Variants in PTPRS observed in about 807,000 individuals in gnomAD.
PTPRS encodes receptor-type tyrosine-protein phosphatase S.
PTPRS carries 63 observed loss-of-function variants against 215.3 expected under a neutral mutation model. That is an observed-to-expected ratio of 0.29 (90% CI 0.24 to 0.36). The LOEUF is 0.36. PTPRS is among the 10% of genes least tolerant of loss of function. The pLI is 1.00. For synonymous variants in PTPRS, 1,404 were observed against 1,191.4 expected (o/e 1.18, Z -3.68); for missense variants, 2,258 against 2,825.8 (o/e 0.80, Z 4.56).
Position 5,244,846 on chromosome 19 carries a change from T to C in PTPRS, c.989-364A>G, listed in dbSNP as rs2044330443. Among the ~76,000 whole-genome samples the C allele has an allele frequency of 6.9e-6, 1 of 144,666 alleles. No individual in the cohort carries two copies. Among genetic ancestry groups the C allele is most frequent in the Non-Finnish European group, 1.5e-5 (1 of 67,418 alleles). 94.9% of individuals were successfully genotyped at this position (144,666 alleles called of 152,430 possible). A position where few individuals can be genotyped will look rare whatever the true frequency, so the allele number is the denominator to read the frequency against. On this transcript the variant is annotated intron_variant, in intron 10 of 37. Coordinates refer to ENST00000262963, the MANE Select transcript of PTPRS (RefSeq NM_002850.4). The surrounding 1 kb of genome is among the most constrained non-coding windows in gnomAD (Gnocchi z 7.2). Reference sequence around the variant, plus strand: ...CACCACACTCAGCTAATTTTTTGTATTTTCAGTTGAGACGGGTTTCACTGT... The same window carrying C: ...CACCACACTCAGCTAATTTTTTGTACTTTCAGTTGAGACGGGTTTCACTGT...
chr19:5,326,221 A>G (rs2050162984), intron 1 of PTPRS, among the ~76,000 whole-genome samples: 1 of 151,856 alleles, frequency 6.6e-6, no homozygotes, highest in African/African-American at 2.4e-5. Flanking sequence ...ACAGAGTGAG[A>G]CTCCATCTCA....
intron 16 of PTPRS, among the ~76,000 whole-genome samples, chr19:5,227,715 G>C (rs1010663940): frequency 1.4e-4 from 21 of 152,226 alleles, no homozygotes; most frequent in African/African-American, 5.1e-4. Context: ...CTGCCGATGT[G>C]TGTTTTGTTC....
At chr19:5,218,337 G>A (rs2041672535) in intron 25 of PTPRS, 83 bp downstream of exon 25, 2 of 1,289,268 alleles carry the variant, frequency 1.6e-6, no homozygotes, top group Non-Finnish European at 2.2e-6. Flanking sequence ...GGCCAATGAG[G>A]GGCCCCCAGG....
intron 9 of PTPRS, chr19:5,251,111 G>C (rs1367350422): frequency 1.3e-5 from 2 of 153,036 alleles, no homozygotes; most frequent in Non-Finnish European, 2.9e-5. Context: ...ACACCTGTCG[G>C]GGGGGAAGGG....
chr19:5,249,128 T>C (rs576512644), intron 9 of PTPRS, among the ~76,000 whole-genome samples: 3 of 152,100 alleles, frequency 2.0e-5, no homozygotes, highest in Admixed American at 6.5e-5. Context: ...CTGGCCAACA[T>C]GGCAAAATCC....
chr19:5,214,163 G>T (rs1178143983), intron 30 of PTPRS, among the ~76,000 whole-genome samples, 198 bp downstream of exon 30: 1 of 152,216 alleles, frequency 6.6e-6, no homozygotes, highest in African/African-American at 2.4e-5. Flanking sequence ...GCCGTGGGTG[G>T]AAACAAGCAG....
chr19:5,236,705 G>C (rs931262973), intron 13 of PTPRS, among the ~76,000 whole-genome samples: 1 of 152,096 alleles, frequency 6.6e-6, no homozygotes, highest in African/African-American at 2.4e-5. Flanking sequence ...ACTTCAACTA[G>C]AGAGACCCTC....
intron 1 of PTPRS, among the ~76,000 whole-genome samples, chr19:5,309,026 G>A (rs376037072): frequency 2.0e-5 from 3 of 152,204 alleles, no homozygotes; most frequent in African/African-American, 4.8e-5. Context: ...CCTACAGCCT[G>A]CCTGGCACTA....
intron 4 of PTPRS, 86 bp from the exon 5 acceptor site, chr19:5,265,282 CA>C (rs2046318328): frequency 3.1e-6 from 4 of 1,311,308 alleles, no homozygotes; most frequent in Admixed American, 2.2e-5. Context: ...ACTGCCTGGC[CA>C]CGGGTCCAGC....
chr19:5,217,958 G>A (rs1291809657), intron 25 of PTPRS, among the ~76,000 whole-genome samples: 1 of 152,092 alleles, frequency 6.6e-6, no homozygotes, highest in Non-Finnish European at 1.5e-5. Flanking sequence ...GTGGGAAGAG[G>A]TACAGGGCAT....
intron 9 of PTPRS, among the ~76,000 whole-genome samples, chr19:5,253,011 T>C (rs1362225544): frequency 2.0e-5 from 3 of 152,146 alleles, no homozygotes; most frequent in African/African-American, 4.8e-5. Context: ...AATAATGCTA[T>C]GTTGCAAGAC....
At position 5,246,081 on chromosome 19, in the gene PTPRS, T is replaced by C. The variant is rs776733295; in HGVS notation, c.719-36A>G. 2.0e-4 allele frequency: 244 copies of C among 1,247,606 alleles called. 2 individuals are homozygous for C. Among genetic ancestry groups the C allele is most frequent in the Admixed American group, 4.4e-4 (12 of 27,420 alleles). The allele number at this position is 1,247,606 out of a possible 1,614,324, so 77.3% of individuals were successfully genotyped here. ...GGCGGCAGTGGCGGCGGGAGGGAGA[T>C]GCGAGGGGTGAGGTGGGGTGAGGTT... On this transcript the variant is annotated intron_variant, in intron 9 of 37. Transcript: ENST00000262963.
chr19:5,214,580 C>T lies in PTPRS; in HGVS notation c.4475G>A (p.Arg1492Gln), dbSNP rs770889503. 8.7e-6 allele frequency: 14 copies of T among 1,611,468 alleles called. No homozygotes were observed. Among genetic ancestry groups the T allele is most frequent in the Non-Finnish European group, 9.3e-6 (11 of 1,178,524 alleles). The change falls in exon 29 of 38, where the codon CGG becomes CAG. Residue 1492 changes from arginine to glutamine, a missense_variant. Physicochemically the swap from Arg to Gln is conservative, Grantham distance 43. Transcript: ENST00000262963. ...QRSATIVMMT[R>Q]LEEKSRIKCD... Reference sequence around the variant, plus strand: ...GCTCACCCGTGACTTCTCCTCCAGCCGCGTCATCATGACGATGGTCGCCGA... The same window carrying T: ...GCTCACCCGTGACTTCTCCTCCAGCTGCGTCATCATGACGATGGTCGCCGA...
intron 10 of PTPRS, 31 bp downstream of exon 10, chr19:5,245,745 T>G: frequency 6.5e-7 from 1 of 1,536,562 alleles, no homozygotes; most frequent in Non-Finnish European, 8.8e-7. Flanking sequence ...AGCCTGCCCC[T>G]CCACCTACGA....
chr19:5,209,382 C>A (rs2040655437), intron 35 of PTPRS, among the ~76,000 whole-genome samples: 1 of 152,176 alleles, frequency 6.6e-6, no homozygotes, highest in African/African-American at 2.4e-5. Flanking sequence ...CACTGACATT[C>A]TCCATTCCCC....
Position 5,245,952 on chromosome 19 carries a change from G to A in PTPRS, c.812C>T (p.Ser271Leu), listed in dbSNP as rs1490066505. 1.9e-6 allele frequency: 3 copies of A among 1,611,468 alleles called. No homozygotes were observed. The highest frequency in any genetic ancestry group is 2.5e-6 in the Non-Finnish European group (3 of 1,178,934). ...NVNITCVAVG[S>L]PMPYVKWMQG... The stretch of plus-strand genomic sequence containing the variant: ...CATCCACTTCACGTATGGCATGGGC[G>A]AGCCCACGGCCACGCAGGTGATGTT... The change falls in exon 10 of 38, where the codon TCG (serine) becomes TTG (leucine). Residue 271 changes from serine to leucine, a missense_variant. Physicochemically the swap from Ser to Leu is moderately radical, Grantham distance 145 (BLOSUM62 -2). This residue lies in a region of PTPRS where 508 missense variants were observed against 799.4 expected (regional missense o/e 0.64). Coordinates refer to ENST00000262963, the MANE Select transcript of PTPRS (RefSeq NM_002850.4).
chr19:5,230,389 C>T (rs1408598976), intron 14 of PTPRS, among the ~76,000 whole-genome samples: 5 of 152,222 alleles, frequency 3.3e-5, no homozygotes, highest in Non-Finnish European at 5.9e-5. Flanking sequence ...CTTTGAACTC[C>T]TGGGCTTAAG....
At position 5,293,805 on chromosome 19, in the gene PTPRS, G is replaced by T. The variant is rs1457760463; in HGVS notation, c.-94-7571C>A. ...CGCTGGGGGTCCAGGGGAATGAATG[G>T]GGGGACACCGTGGCAGAGGCCCCCA... On this transcript the variant is annotated intron_variant, in intron 1 of 37. Transcript: ENST00000262963. This position sits in a 1 kb window ranked among gnomAD's most constrained non-coding sequence, Gnocchi z 8.4. Among the ~76,000 whole-genome samples the T allele has an allele frequency of 1.3e-5, 2 of 152,148 alleles. No individual in the cohort carries two copies. Among genetic ancestry groups the T allele is most frequent in the Non-Finnish European group, 2.9e-5 (2 of 68,006 alleles).
chr19:5,240,162 G>T, intron 12 of PTPRS, 37 bp downstream of exon 12: 3 of 1,487,128 alleles, frequency 2.0e-6, no homozygotes, highest in Non-Finnish European at 2.7e-6. Flanking sequence ...CCGGGGAGGA[G>T]CCCAGGGCAG....
Sources: allele counts gnomAD v4.1 joint callset (sites outside exome capture counted in the v4.1 genomes callset), GRCh38; gene constraint gnomAD v4.1.1; regional missense constraint gnomAD v4.1.1; non-coding constraint Gnocchi (gnomAD v3.1); transcripts MANE v1.5; gene names NCBI Gene and HGNC (gene_info 2026-07-23, HGNC 2026-07-21).